The following NMBR variants were observed in gnomAD, a reference collection of about 807,000 sequenced individuals.
The protein encoded by NMBR is neuromedin-B receptor.
A neutral mutation model predicts 20.5 loss-of-function variants in NMBR; 16 were observed. The observed-to-expected ratio is 0.78, with a 90% confidence interval of 0.53 to 1.19. The LOEUF (loss-of-function observed/expected upper bound fraction) is 1.19. NMBR is among the 50% of genes most tolerant of loss of function. The pLI is 0.00. For missense variants in NMBR, 582 were observed against 499.1 expected (o/e 1.17, Z -1.58); for synonymous variants, 212 against 196.6 (o/e 1.08, Z -0.65).
At chr6:142,121,491 C>T (rs1777943268) in intron 1 of NMBR, among the ~76,000 whole-genome samples, 1 of 151,900 alleles carries the variant, frequency 6.6e-6, no homozygotes, top group South Asian at 2.1e-4. Flanking sequence ...AAGTGCTACT[C>T]CGATTAATAC....
Position 142,076,052 on chromosome 6 carries a change from G to T in NMBR, c.772-3C>A. ...GCCAGGCGTTTCCGTGTTTCCATCTGCAAATATAAGAAATTGATCCCATTG... is the reference window on the plus strand; with the variant it reads ...GCCAGGCGTTTCCGTGTTTCCATCTTCAAATATAAGAAATTGATCCCATTG... On this transcript the variant is annotated splice_region_variant and splice_polypyrimidine_tract_variant and intron_variant, in intron 3 of 3. Transcript: ENST00000258042. 6.4e-7 allele frequency: 1 copy of T among 1,558,848 alleles called. No homozygotes were observed. Among genetic ancestry groups the T allele is most frequent in the South Asian group, 1.2e-5 (1 of 80,996 alleles).
At chr6:142,076,108 C>T (rs1198020526) in intron 3 of NMBR, 59 bp from the exon 4 acceptor site, 1 of 1,457,850 alleles carries the variant, frequency 6.9e-7, no homozygotes, top group African/African-American at 1.4e-5. Context: ...AGCCACATAC[C>T]AACTTTATCA....
At chr6:142,093,927 G>C (rs7761739) in intron 1 of NMBR, among the ~76,000 whole-genome samples, 95,985 of 149,706 alleles carry the variant, frequency 0.64, 32,705 homozygotes, top group East Asian at 0.87. Context: ...TTTTTCATGT[G>C]TTTTTTGGCT....
rs751493562 is a variant in NMBR, at chr6:142,088,554, C to A, written c.105G>T (p.Gly35=). The A allele has an allele frequency of 6.2e-7, 1 of 1,613,946 alleles. No homozygotes were observed. Among genetic ancestry groups the A allele is most frequent in the South Asian group, 1.1e-5 (1 of 91,046 alleles). ...WERDFLPASD[G]TTTELVIRCV... is the part of the protein sequence containing the mutation. ...AGCGGATCACCAACTCCGTGGTGGT[C>A]CCGTCCGAGGCCGGCAGGAAATCCC... The change falls in exon 2 of 4, where the codon GGG becomes GGT. Residue 35 remains glycine, a synonymous_variant. Coordinates refer to ENST00000258042, the MANE Select transcript of NMBR (RefSeq NM_002511.4).
Position 142,088,367 on chromosome 6 carries a change from G to A in NMBR, c.292C>T (p.Pro98Ser), listed in dbSNP as rs1777241264. 6 of 1,614,046 alleles carry A rather than the reference G, an allele frequency of 3.7e-6. No individual in the cohort carries two copies. The East Asian group carries it at 1.1e-4, about 30-fold the overall frequency. The change falls in exon 2 of 4, where the codon CCG becomes TCG. Residue 98 changes from proline (P) to serine (S), a missense_variant. Coordinates refer to ENST00000258042, the MANE Select transcript of NMBR (RefSeq NM_002511.4). ...AAGAAGTAGCGCGAGGCGTCCACCG[G>A]GACGCAGGTGAGCAGCAGCAGCAAG... is the stretch of plus-strand genomic sequence containing the variant. ...GDLLLLLTCV[P>S]VDASRYFFDE...
intron 1 of NMBR, among the ~76,000 whole-genome samples, chr6:142,092,414 A>C (rs930395440): frequency 6.6e-6 from 1 of 152,170 alleles, no homozygotes; most frequent in African/African-American, 2.4e-5. Flanking sequence ...ATTCTAGTGC[A>C]TTAAAGGTCA....
At chr6:142,120,424 T>C (rs774912385) in intron 1 of NMBR, among the ~76,000 whole-genome samples, 12 of 151,852 alleles carry the variant, frequency 7.9e-5, no homozygotes, top group Non-Finnish European at 1.3e-4. Flanking sequence ...TAAAGATGGT[T>C]AGAATTTGCT....
chr6:142,137,917 T>C (rs1778291218), intron 1 of NMBR, among the ~76,000 whole-genome samples: 1 of 152,060 alleles, frequency 6.6e-6, no homozygotes, highest in Non-Finnish European at 1.5e-5. Flanking sequence ...GAAATATAGT[T>C]ACCAAATAAA....
chr6:142,099,907 A>G (rs112366047), intron 1 of NMBR, among the ~76,000 whole-genome samples: 2 of 152,140 alleles, frequency 1.3e-5, no homozygotes, highest in Non-Finnish European at 2.9e-5. Flanking sequence ...AGGACAAAAC[A>G]CCTTAATAGA....
At chr6:142,109,005 A>C (rs1777711809) in intron 1 of NMBR, among the ~76,000 whole-genome samples, 1 of 152,214 alleles carries the variant, frequency 6.6e-6, no homozygotes, top group South Asian at 2.1e-4. Flanking sequence ...AAGGGGCTAC[A>C]GGCCCCATGC....
intron 1 of NMBR, among the ~76,000 whole-genome samples, chr6:142,140,732 T>A (rs936032549): frequency 2.6e-5 from 4 of 152,104 alleles, no homozygotes; most frequent in Non-Finnish European, 4.4e-5. Flanking sequence ...AGAAAATAAA[T>A]GGGAAAAGAT....
chr6:142,110,072 A>C (rs991182742), intron 1 of NMBR, among the ~76,000 whole-genome samples: 9 of 152,204 alleles, frequency 5.9e-5, no homozygotes, highest in Non-Finnish European at 1.3e-4. Context: ...GGACACAAAA[A>C]AAAGTGTTGG....
chr6:142,098,589 A>G (rs991451251), intron 1 of NMBR, among the ~76,000 whole-genome samples: 6 of 152,192 alleles, frequency 3.9e-5, no homozygotes, highest in Admixed American at 6.6e-5. Flanking sequence ...TCACCCTGAA[A>G]TATGAAGTAC....
intron 1 of NMBR, among the ~76,000 whole-genome samples, chr6:142,130,869 T>C (rs1778128724): frequency 1.3e-5 from 2 of 152,116 alleles, no homozygotes; most frequent in Admixed American, 6.6e-5. Context: ...CAGAAGAGTA[T>C]AGTATACTGC....
Position 142,088,248 on chromosome 6 carries a change from G to C in NMBR, c.411C>G (p.Leu137=), listed in dbSNP as rs1436451090. ...VGVSVFTLTA[L]SADRYRAIVN... ...ACCTGTGCTCTTACCTGTCGGCGCT[G>C]AGGGCAGTGAGAGTGAACACGGAAA... Residue 137 remains leucine (L), a synonymous_variant, in exon 2 of 4, where the codon CTC becomes CTG. Coordinates refer to ENST00000258042, the MANE Select transcript of NMBR (RefSeq NM_002511.4). 6.2e-7 allele frequency: 1 copy of C among 1,611,624 alleles called. No homozygotes were observed. Among genetic ancestry groups the C allele is most frequent in the South Asian group, 1.1e-5 (1 of 91,068 alleles).
At chr6:142,090,443 A>C (rs1777302855) in intron 1 of NMBR, among the ~76,000 whole-genome samples, 1 of 151,954 alleles carries the variant, frequency 6.6e-6, no homozygotes, top group African/African-American at 2.4e-5. Context: ...ATTGTAATCA[A>C]TTTTAAGTTT....
intron 1 of NMBR, among the ~76,000 whole-genome samples, chr6:142,125,507 A>AGATGTG (rs1778015617): frequency 6.6e-6 from 1 of 151,878 alleles, no homozygotes; most frequent in African/African-American, 2.4e-5. Flanking sequence ...ATACACATAT[A>AGATGTG]CATACATACA....
rs183810309 is a variant in NMBR at position 142,100,099 on chromosome 6, A to G, written c.-663-10778T>C. Among the ~76,000 whole-genome samples, 282 of 152,346 alleles carry G rather than the reference A, an allele frequency of 1.9e-3. 1 individual carries two copies. Among genetic ancestry groups the G allele is most frequent in the Non-Finnish European group, 3.4e-3 (234 of 68,030 alleles). On this transcript the variant is annotated intron_variant, in intron 1 of 3. Transcript: ENST00000258042. ...AATGCTGAGCAGGATGTGGAACAAT[A>G]GGAATTCTCATTCACTAATGGTGAA...
intron 1 of NMBR, among the ~76,000 whole-genome samples, chr6:142,092,455 T>C (rs183977025): frequency 1.8e-4 from 28 of 152,192 alleles, no homozygotes; most frequent in Admixed American, 1.5e-3. Flanking sequence ...GGGAAGATAA[T>C]AGAAGAAAAT....
Sources: gnomAD v4.1 joint callset for allele counts (sites outside exome capture counted in the v4.1 genomes callset) on GRCh38, gnomAD v4.1.1 for gene constraint, MANE v1.5 for transcripts, NCBI Gene and HGNC (gene_info 2026-07-23, HGNC 2026-07-21) for gene names.